The following CDH22 variants were observed in gnomAD, a reference collection of about 807,000 sequenced individuals.
The protein encoded by CDH22 is cadherin 22.
A neutral mutation model predicts 58.4 loss-of-function variants in CDH22; 30 were observed. The observed-to-expected ratio is 0.51, with a 90% CI of 0.38 to 0.70. CDH22 has a LOEUF of 0.70. Among genes scored for constraint, CDH22 ranks in the 30% least tolerant of loss-of-function variants. The pLI is 0.00. For synonymous variants in CDH22, 513 were observed against 558.2 expected, an observed-to-expected ratio of 0.92 and a Z score of 1.14; for missense variants, 1,014 against 1,233.9, an observed-to-expected ratio of 0.82 and a Z score of 2.67.
chr20:46,216,755 T>G lies in CDH22; in HGVS notation c.838+71A>C. The G allele has an allele frequency of 7.1e-7, 1 of 1,410,150 alleles. No individual in the cohort carries two copies. Among genetic ancestry groups the G allele is most frequent in the Non-Finnish European group, 9.9e-7 (1 of 1,013,678 alleles). 87.4% of individuals were successfully genotyped at this position (1,410,150 alleles called of 1,614,324 possible). A position where few individuals can be genotyped will look rare whatever the true frequency, so the allele number is the denominator to read the frequency against. On this transcript the variant is annotated intron_variant, in intron 5 of 11. Coordinates refer to ENST00000537909, the MANE Select transcript of CDH22 (RefSeq NM_021248.3). This position sits in a 1 kb window ranked among gnomAD's most constrained non-coding sequence, Gnocchi z 5.3. ...TGGGAAGTCTAAAGGGAAGCTGGGG[T>G]CAGCAGGTGGCTTGGATGGGGTAAC...
intron 1 of CDH22, among the ~76,000 whole-genome samples, chr20:46,265,066 G>C (rs913740814): frequency 3.3e-5 from 5 of 152,310 alleles, no homozygotes; most frequent in Admixed American, 2.6e-4. Context: ...CACCGGCAGA[G>C]CCGTGCTGTA....
At chr20:46,184,851 C>T (rs1474941688) in intron 10 of CDH22, among the ~76,000 whole-genome samples, 5 of 152,004 alleles carry the variant, frequency 3.3e-5, no homozygotes, top group African/African-American at 4.8e-5. Flanking sequence ...TTTGGTAGGC[C>T]GAGGCGGGCA....
At chr20:46,202,337 A>T (rs1025158118) in intron 7 of CDH22, among the ~76,000 whole-genome samples, 2 of 150,942 alleles carry the variant, frequency 1.3e-5, no homozygotes, top group South Asian at 4.2e-4. Context: ...CAAATTGGGG[A>T]TTCTCTCCCA....
chr20:46,255,677 C>T (rs1398157904), intron 1 of CDH22, among the ~76,000 whole-genome samples: 1 of 152,182 alleles, frequency 6.6e-6, no homozygotes, highest in Non-Finnish European at 1.5e-5. Flanking sequence ...TCTGCACAGC[C>T]CTGCTAGGGC....
At chr20:46,265,295 C>T (rs1211398933) in intron 1 of CDH22, among the ~76,000 whole-genome samples, 1 of 152,212 alleles carries the variant, frequency 6.6e-6, no homozygotes, top group African/African-American at 2.4e-5. Flanking sequence ...CCGCCTCCTC[C>T]TTGCTCTTTT....
chr20:46,181,972 A>T (rs2085792998), intron 10 of CDH22, among the ~76,000 whole-genome samples: 1 of 151,532 alleles, frequency 6.6e-6, no homozygotes, highest in African/African-American at 2.4e-5. Flanking sequence ...GTCTGCCACC[A>T]CGCCTGGCTA....
At chr20:46,264,890 C>T (rs186619079) in intron 1 of CDH22, among the ~76,000 whole-genome samples, 6 of 149,370 alleles carry the variant, frequency 4.0e-5, no homozygotes, top group East Asian at 3.9e-4. Context: ...ACACACCGTG[C>T]GCGCACACAC....
At chr20:46,179,529 G>T (rs1448895396) in intron 10 of CDH22, among the ~76,000 whole-genome samples, 1 of 152,210 alleles carries the variant, frequency 6.6e-6, no homozygotes, top group East Asian at 1.9e-4. Context: ...GATGCAGCAC[G>T]ACTGGCTGTG....
chr20:46,284,228 C>T (rs1286616527), intron 1 of CDH22, among the ~76,000 whole-genome samples: 1 of 151,510 alleles, frequency 6.6e-6, no homozygotes, highest in Non-Finnish European at 1.5e-5. Flanking sequence ...GTGCCAGAGT[C>T]CCTGGGCAGG....
chr20:46,198,488 T>C (rs2085927124), intron 8 of CDH22, among the ~76,000 whole-genome samples: 1 of 152,092 alleles, frequency 6.6e-6, no homozygotes, highest in African/African-American at 2.4e-5. Flanking sequence ...CCCTCCTCTG[T>C]AGCTACTGCC....
At chr20:46,212,713 G>A (rs2145690789) in intron 6 of CDH22, among the ~76,000 whole-genome samples, 1 of 152,338 alleles carries the variant, frequency 6.6e-6, no homozygotes, top group Non-Finnish European at 1.5e-5. Flanking sequence ...TGGCAAGGAT[G>A]TGAAGCACAC....
At chr20:46,275,414 C>T (rs189365400) in intron 1 of CDH22, among the ~76,000 whole-genome samples, 180 of 152,324 alleles carry the variant, frequency 1.2e-3, no homozygotes, top group African/African-American at 4.2e-3. Context: ...AAAATCACAG[C>T]CCCTCTCCAA....
chr20:46,253,189 C>T (rs568648297), intron 1 of CDH22, among the ~76,000 whole-genome samples: 1 of 152,330 alleles, frequency 6.6e-6, no homozygotes, highest in South Asian at 2.1e-4. Flanking sequence ...GTGGGCAATG[C>T]CCTTCCCTTT....
chr20:46,185,368 A>C (rs2085818063), intron 10 of CDH22, among the ~76,000 whole-genome samples: 1 of 152,164 alleles, frequency 6.6e-6, no homozygotes, highest in Non-Finnish European at 1.5e-5. Flanking sequence ...CAGGCAGGGC[A>C]GGGCAGTTTG....
At chr20:46,268,222 A>G (rs2425820) in intron 1 of CDH22, among the ~76,000 whole-genome samples, 60,940 of 152,174 alleles carry the variant, frequency 0.4, 12,710 homozygotes, top group Middle Eastern at 0.6. Flanking sequence ...CAGCCCTGGA[A>G]ACAATAGCAG....
In CDH22 at chr20:46,209,279, C is replaced by T. The variant is rs181310037; in HGVS notation, c.1286+1028G>A. 5.3e-5 allele frequency among the ~76,000 whole-genome samples: 8 copies of T among 152,238 alleles called. No individual in the cohort carries two copies. In the East Asian group the frequency reaches 7.7e-4, roughly 15 times the overall value. On this transcript the variant is annotated intron_variant, in intron 7 of 11. Transcript: ENST00000537909. ...CGAGAACGTTCTAGGCCGAGGGATCCGCTGTAGCACAGGCCCAGAGTGCAG... is the reference window on the plus strand; with the variant it reads ...CGAGAACGTTCTAGGCCGAGGGATCTGCTGTAGCACAGGCCCAGAGTGCAG...
chr20:46,186,837 T>C lies in CDH22; in HGVS notation c.1534A>G (p.Lys512Glu). ...PYEAAVCEDA[K>E]PGQLIQTISV... ...CCCCTCAGGGGTACCTGGCCTGGCT[T>C]GGCATCCTCGCATACAGCTGCCTCG... The change falls in exon 9 of 12, where the codon AAG (lysine) becomes GAG (glutamate). Residue 512 changes from lysine to glutamate, a missense_variant. By Grantham distance (56) the Lys-to-Glu change is moderately conservative (BLOSUM62 1). This residue lies in a region of CDH22 where 806 missense variants were observed against 1,038.7 expected (regional missense o/e 0.78). Transcript: ENST00000537909. The C allele has an allele frequency of 6.2e-7, 1 of 1,605,556 alleles. No homozygotes were observed. The highest frequency in any genetic ancestry group is 2.2e-5 in the East Asian group (1 of 44,754).
intron 1 of CDH22, among the ~76,000 whole-genome samples, chr20:46,265,232 C>T (rs938021470): frequency 2.6e-5 from 4 of 152,196 alleles, no homozygotes; most frequent in Non-Finnish European, 5.9e-5. Flanking sequence ...GGGGGCAGGG[C>T]CCTGCCATGG....
intron 3 of CDH22, among the ~76,000 whole-genome samples, chr20:46,238,401 C>T (rs540069805): frequency 1.3e-5 from 2 of 152,312 alleles, no homozygotes; most frequent in Admixed American, 6.5e-5. Context: ...AAGTTCTTGC[C>T]AGGCTCTGAA....
Sources: gnomAD v4.1 joint callset for allele counts (sites outside exome capture counted in the v4.1 genomes callset) on GRCh38, gnomAD v4.1.1 for gene constraint, gnomAD v4.1.1 regional missense constraint, Gnocchi (gnomAD v3.1) non-coding constraint, MANE v1.5 for transcripts, NCBI Gene and HGNC (gene_info 2026-07-23, HGNC 2026-07-21) for gene names.